The following AMZ2 variants were observed in gnomAD, a reference collection of about 807,000 sequenced individuals.
AMZ2 encodes the protein archaemetzincin-2.
Under a neutral mutation model 36.7 loss-of-function variants are expected in AMZ2, and 26 were observed. That is an observed-to-expected ratio of 0.71 (90% CI 0.52 to 0.98). AMZ2 has a LOEUF of 0.98. Among genes scored for constraint, AMZ2 ranks in the 50% least tolerant of loss-of-function variants. The probability of loss-of-function intolerance (pLI) is 0.00; values close to 1 mark genes in which losing one functional copy is unlikely to be tolerated. For missense variants in AMZ2, 394 were observed against 430.5 expected (o/e 0.92, Z 0.75); for synonymous variants, 144 against 149.1 (o/e 0.97, Z 0.25).
chr17:68,231,717 CTG>C (rs2073668294), intron 1 of AMZ2, among the ~76,000 whole-genome samples: 2 of 151,942 alleles, frequency 1.3e-5, no homozygotes, highest in Non-Finnish European at 2.9e-5. Flanking sequence ...CTTCTTGAAA[CTG>C]TGGATAGGTT....
intron 1 of AMZ2, among the ~76,000 whole-genome samples, chr17:68,223,257 C>T (rs373087501): frequency 6.6e-6 from 1 of 152,032 alleles, no homozygotes. Context: ...TAGTCAGTTT[C>T]GAAGACTGGG....
rs111617003 is a variant in AMZ2, at chr17:68,249,660, GT to G, written c.1-516del. 1,317 of 135,440 alleles carry G rather than the reference GT, an allele frequency of 9.7e-3. 17 individuals carry two copies. Among genetic ancestry groups the G allele is most frequent in the African/African-American group, 0.033 (1,191 of 36,520 alleles). 8.4% of individuals were successfully genotyped at this position (135,440 alleles called of 1,614,324 possible). ...GTCCTGCTCCTGTGGTCACCGTGAG[GT>G]TTTTTTTTTTTGTTTTGGACTCTTG... On this transcript the variant is annotated intron_variant, in intron 1 of 6. Coordinates refer to ENST00000359904, the MANE Select transcript of AMZ2 (RefSeq NM_016627.5).
At chr17:68,206,196 G>C in exon 1 of AMZ2, 1 of 1,304,666 alleles carries the variant, frequency 7.7e-7, no homozygotes, top group Non-Finnish European at 9.8e-7. Context: ...TTACTGCACA[G>C]AAAGCAGCTT....
At position 68,250,549 on chromosome 17, in the gene AMZ2, G is replaced by A. The variant is rs575968197; in HGVS notation, c.283+79G>A. Reference sequence around the variant, plus strand: ...CAGGAATAGTCCAGGCTATGGGTCTGATTCAGATGGGCCGTTTTAGGATCG... The same window carrying A: ...CAGGAATAGTCCAGGCTATGGGTCTAATTCAGATGGGCCGTTTTAGGATCG... On this transcript the variant is annotated intron_variant, in intron 2 of 6. Coordinates refer to ENST00000359904, the MANE Select transcript of AMZ2 (RefSeq NM_016627.5). 5 of 1,509,972 alleles carry A rather than the reference G, an allele frequency of 3.3e-6. No individual in the cohort carries two copies. The East Asian group carries it at 9.0e-5, about 27-fold the overall frequency. The allele number at this position is 1,509,972 out of a possible 1,614,324, so 93.5% of individuals were successfully genotyped here. A position where few individuals can be genotyped will look rare whatever the true frequency, so the allele number is the denominator to read the frequency against.
At chr17:68,213,498 C>G (rs1476691596) in intron 1 of AMZ2, among the ~76,000 whole-genome samples, 2 of 152,242 alleles carry the variant, frequency 1.3e-5, no homozygotes, top group East Asian at 3.9e-4. Context: ...AGAGTAGAAA[C>G]TTTATCAATG....
In AMZ2 at chr17:68,250,488, G is replaced by A; in HGVS notation, c.283+18G>A. ...GTCCATTGGTAAATACTGGTAATGT[G>A]CTGGTTTTGGTTCAGTTTTGCAGTG... On this transcript the variant is annotated intron_variant, in intron 2 of 6. Coordinates refer to ENST00000359904, the MANE Select transcript of AMZ2 (RefSeq NM_016627.5). 1 of 1,609,288 alleles carries A rather than the reference G, an allele frequency of 6.2e-7. No homozygotes were observed. The highest frequency in any genetic ancestry group is 8.5e-7 in the Non-Finnish European group (1 of 1,177,200).
chr17:68,248,804 A>G (rs2074217355), intron 1 of AMZ2, 99 bp downstream of exon 1: 3 of 977,986 alleles, frequency 3.1e-6, no homozygotes, highest in Non-Finnish European at 3.7e-6. Context: ...GCCTATGCTT[A>G]TATCAGAGCT....
intron 1 of AMZ2, among the ~76,000 whole-genome samples, chr17:68,226,409 A>G (rs1375551202): frequency 2.6e-5 from 4 of 152,332 alleles, no homozygotes; most frequent in African/African-American, 4.8e-5. Flanking sequence ...CTGCTCTGGC[A>G]ACAGGTTCTT....
intron 1 of AMZ2, chr17:68,249,798 A>C: frequency 4.9e-6 from 1 of 204,504 alleles, no homozygotes. Flanking sequence ...AGATGTGCAC[A>C]ACTATGCCCA....
At chr17:68,253,471 CTAAATG>C (rs1342789592) in intron 4 of AMZ2, among the ~76,000 whole-genome samples, 30 of 152,096 alleles carry the variant, frequency 2.0e-4, no homozygotes, top group Non-Finnish European at 2.9e-5. Flanking sequence ...TGATATAACT[CTAAATG>C]TAACACAGGA....
chr17:68,254,202 G>A (rs1301729485), intron 4 of AMZ2, among the ~76,000 whole-genome samples: 1 of 152,210 alleles, frequency 6.6e-6, no homozygotes, highest in Non-Finnish European at 1.5e-5. Context: ...AAGGCAAAGT[G>A]GATAGCAGCA....
At chr17:68,237,055 T>A (rs2073806769) in intron 1 of AMZ2, among the ~76,000 whole-genome samples, 1 of 152,244 alleles carries the variant, frequency 6.6e-6, no homozygotes, top group Non-Finnish European at 1.5e-5. Context: ...TATTTTATTG[T>A]GAGAGCATAA....
chr17:68,234,745 G>C (rs1483403897), intron 1 of AMZ2, among the ~76,000 whole-genome samples: 2 of 151,352 alleles, frequency 1.3e-5, no homozygotes, highest in Non-Finnish European at 2.9e-5. Flanking sequence ...ACTTCACAGA[G>C]TGAAGAGTGG....
chr17:68,221,231 G>GCCCC (rs2073357652), intron 1 of AMZ2, among the ~76,000 whole-genome samples: 4 of 54,054 alleles, frequency 7.4e-5, no homozygotes, highest in Non-Finnish European at 1.1e-4. Flanking sequence ...CCCCCCGGTA[G>GCCCC]CTAGGACCCC....
intron 4 of AMZ2, among the ~76,000 whole-genome samples, chr17:68,251,829 A>T (rs569270458): frequency 9.2e-5 from 14 of 152,348 alleles, no homozygotes; most frequent in Middle Eastern, 3.4e-3. Context: ...TTTCATAGTC[A>T]TCTTGCACAG....
chr17:68,212,814 G>T (rs1395103889), intron 1 of AMZ2, among the ~76,000 whole-genome samples: 2 of 151,938 alleles, frequency 1.3e-5, no homozygotes, highest in Non-Finnish European at 2.9e-5. Flanking sequence ...GCAATCCACC[G>T]ACCTCAGCCT....
At chr17:68,236,859 C>T (rs190408321) in intron 1 of AMZ2, among the ~76,000 whole-genome samples, 156 of 152,224 alleles carry the variant, frequency 1.0e-3, no homozygotes, top group African/African-American at 3.6e-3. Flanking sequence ...GGATTACAGG[C>T]GTGAGCCACC....
At chr17:68,250,988 A>G in intron 3 of AMZ2, 21 bp downstream of exon 3, 1 of 1,611,510 alleles carries the variant, frequency 6.2e-7, no homozygotes, top group Non-Finnish European at 8.5e-7. Flanking sequence ...CGACTTTGCA[A>G]TTCGAACTGA....
In AMZ2 at chr17:68,256,949, C is replaced by G. The variant is rs2074956306; in HGVS notation, c.1063C>G (p.Leu355Val). 3 of 1,613,510 alleles carry G rather than the reference C, an allele frequency of 1.9e-6. No homozygotes were observed. The highest frequency in any genetic ancestry group is 2.5e-6 in the Non-Finnish European group (3 of 1,179,860). Residue 355 changes from leucine (L) to valine (V), a missense_variant, in exon 7 of 7, where the codon CTG (leucine) becomes GTG (valine). Coordinates refer to ENST00000359904, the MANE Select transcript of AMZ2 (RefSeq NM_016627.5). The stretch of plus-strand genomic sequence containing the variant: ...ATGGAAAGAGTGGATAATAAAATGC[C>G]TGGCTGTTCTCCAAAAATGAGGACC... Reference protein sequence around the residue: ...KEWKEWIIKCLAVLQK With the variant: ...KEWKEWIIKCVAVLQK
Sources: gnomAD v4.1 joint callset for allele counts (sites outside exome capture counted in the v4.1 genomes callset) on GRCh38, gnomAD v4.1.1 for gene constraint, MANE v1.5 for transcripts, NCBI Gene and HGNC (gene_info 2026-07-23, HGNC 2026-07-21) for gene names.